The following NEBL variants were observed in gnomAD, a reference collection of about 807,000 sequenced individuals.
NEBL encodes the protein LIM and SH3 protein 2.
Under a neutral mutation model 140.2 loss-of-function variants are expected in NEBL, and 122 were observed. The ratio of observed to expected loss-of-function variants is 0.87; its 90% CI spans 0.75 to 1.01. NEBL has a LOEUF of 1.01. Ranked by LOEUF, NEBL falls within the 50% of genes least tolerant of loss-of-function variation. NEBL has a pLI of 0.00. For synonymous variants in NEBL, 436 were observed against 398.9 expected (o/e 1.09, Z -1.11); for missense variants, 1,365 against 1,231.3 (o/e 1.11, Z -1.62).
intron 11 of NEBL, among the ~76,000 whole-genome samples, chr10:20,846,386 TA>T (rs1351818450): frequency 1.3e-5 from 2 of 152,170 alleles, no homozygotes; most frequent in Non-Finnish European, 2.9e-5. Context: ...GGTAATTTTA[TA>T]AATAAAGAAT....
At chr10:21,072,524 T>C (rs959313811) in intron 2 of NEBL, among the ~76,000 whole-genome samples, 9 of 152,198 alleles carry the variant, frequency 5.9e-5, no homozygotes, top group African/African-American at 2.2e-4. Context: ...CTAACAGGCA[T>C]AGTGTATAGA....
At chr10:21,137,775 C>CA (rs1181291545) in intron 2 of NEBL, among the ~76,000 whole-genome samples, 7 of 151,124 alleles carry the variant, frequency 4.6e-5, no homozygotes, top group South Asian at 2.1e-4. Flanking sequence ...GCCATCTCTA[C>CA]AAAAAAAATA....
chr10:21,281,497 T>TA (rs367829643), intron 1 of NEBL, among the ~76,000 whole-genome samples: 5,148 of 146,790 alleles, frequency 0.035, 273 homozygotes, highest in African/African-American at 0.12. Context: ...TTTTTTTTTT[T>TA]ATAATTAATA....
At chr10:21,124,883 C>G (rs979827676) in intron 2 of NEBL, among the ~76,000 whole-genome samples, 2 of 152,130 alleles carry the variant, frequency 1.3e-5, no homozygotes, top group African/African-American at 4.8e-5. Flanking sequence ...ATGTTTGAGC[C>G]CAGAAGTTTG....
chr10:20,938,940 A>T (rs1834672106), intron 4 of NEBL, among the ~76,000 whole-genome samples: 2 of 152,248 alleles, frequency 1.3e-5, no homozygotes, highest in Non-Finnish European at 2.9e-5. Context: ...GGACTATGTG[A>T]AAAGACCAAA....
rs570261120 is a variant in NEBL at position 21,080,810 on chromosome 10, A to G, written c.165-60609T>C. On this transcript the variant is annotated intron_variant, in intron 2 of 6. Coordinates refer to the NEBL transcript ENST00000417816. ...AATTCTGGCTTATTCAGATATTGAT[A>G]TTCTGGTAGGTGTCATTTTTAAAAT... Among the ~76,000 whole-genome samples, 3 of 152,234 alleles carry G rather than the reference A, an allele frequency of 2.0e-5. No individual in the cohort carries two copies. In the South Asian group the frequency reaches 6.2e-4, roughly 32 times the overall value.
intron 4 of NEBL, among the ~76,000 whole-genome samples, chr10:20,932,896 G>A (rs993455779): frequency 6.6e-6 from 1 of 152,200 alleles, no homozygotes; most frequent in Non-Finnish European, 1.5e-5. Flanking sequence ...TTTCATCACA[G>A]ATTCAGACAG....
rs150988270 is a variant in NEBL, at chr10:20,934,300, T to A, written c.357+27372A>T. ...AGAATATGACAAGCATCTCAGGAGCTGAAGGGATATATAAAGTGTTTGGGA... is the reference window on the plus strand; with the variant it reads ...AGAATATGACAAGCATCTCAGGAGCAGAAGGGATATATAAAGTGTTTGGGA... On this transcript the variant is annotated intron_variant, in intron 4 of 6. Coordinates refer to the NEBL transcript ENST00000417816. 2.2e-4 allele frequency among the ~76,000 whole-genome samples: 34 copies of A among 152,276 alleles called. No homozygotes were observed. In the East Asian group the frequency reaches 6.4e-3, roughly 28 times the overall value.
At chr10:21,231,503 C>A (rs1842250096) in intron 3 of NEBL, among the ~76,000 whole-genome samples, 1 of 151,902 alleles carries the variant, frequency 6.6e-6, no homozygotes, top group South Asian at 2.1e-4. Context: ...GGCGCCACTG[C>A]ACTCCAGCCT....
intron 4 of NEBL, among the ~76,000 whole-genome samples, chr10:20,910,887 G>T (rs1437352753): frequency 2.0e-5 from 3 of 151,338 alleles, no homozygotes; most frequent in East Asian, 3.9e-4. Context: ...GTAGGCACTG[G>T]CCAGGCATGG....
At chr10:20,972,352 G>C (rs989249996) in intron 3 of NEBL, among the ~76,000 whole-genome samples, 9 of 151,936 alleles carry the variant, frequency 5.9e-5, no homozygotes, top group African/African-American at 2.2e-4. Flanking sequence ...AACACCAACT[G>C]TTTTTCTATA....
intron 2 of NEBL, among the ~76,000 whole-genome samples, chr10:21,039,075 T>G (rs962037450): frequency 5.7e-4 from 84 of 147,570 alleles, no homozygotes; most frequent in African/African-American, 1.3e-3. Context: ...TTTTTTTTTT[T>G]TTTTTTTTTT....
At chr10:20,933,308 G>A (rs1834294758) in intron 4 of NEBL, among the ~76,000 whole-genome samples, 1 of 152,118 alleles carries the variant, frequency 6.6e-6, no homozygotes. Context: ...ATGCCCTTAA[G>A]AACTAGTTTT....
At chr10:20,890,786 A>C (rs1257711571) in intron 2 of NEBL, among the ~76,000 whole-genome samples, 2 of 152,228 alleles carry the variant, frequency 1.3e-5, no homozygotes, top group Non-Finnish European at 2.9e-5. Context: ...AAGTCAGGAA[A>C]TGTGGAGAAG....
At chr10:21,125,463 T>A (rs1024053369) in intron 2 of NEBL, among the ~76,000 whole-genome samples, 1 of 152,218 alleles carries the variant, frequency 6.6e-6, no homozygotes, top group Admixed American at 6.5e-5. Flanking sequence ...TGAACTGGGC[T>A]ATTTAAGGCT....
chr10:21,105,410 T>C (rs1564513087), intron 2 of NEBL, among the ~76,000 whole-genome samples: 1 of 152,032 alleles, frequency 6.6e-6, no homozygotes, highest in African/African-American at 2.4e-5. Context: ...TTGTTCAACT[T>C]CCACCTATAA....
chr10:20,832,723 G>C (rs1398721996), intron 14 of NEBL, among the ~76,000 whole-genome samples: 1 of 152,064 alleles, frequency 6.6e-6, no homozygotes, highest in Non-Finnish European at 1.5e-5. Context: ...ATGTTGATTT[G>C]CTTATTAGGA....
At chr10:21,109,388 G>C (rs2132013422) in intron 2 of NEBL, among the ~76,000 whole-genome samples, 1 of 152,230 alleles carries the variant, frequency 6.6e-6, no homozygotes, top group East Asian at 1.9e-4. Flanking sequence ...ATGTGCTGCT[G>C]GATTCAGTTT....
chr10:21,048,925 G>T (rs888205003), intron 2 of NEBL, among the ~76,000 whole-genome samples: 4 of 152,138 alleles, frequency 2.6e-5, no homozygotes, highest in Non-Finnish European at 1.5e-5. Context: ...AGGGAGAATT[G>T]CTTGAACCCG....
Sources: gnomAD v4.1 joint callset for allele counts (sites outside exome capture counted in the v4.1 genomes callset) on GRCh38, gnomAD v4.1.1 for gene constraint, MANE v1.5 for transcripts, NCBI Gene and HGNC (gene_info 2026-07-23, HGNC 2026-07-21) for gene names.